The following NEBL variants were observed in gnomAD, a reference collection of about 807,000 sequenced individuals.
The protein encoded by NEBL is LIM and SH3 protein 2.
In NEBL, 122 loss-of-function variants were observed where a neutral mutation model predicts 140.2. The observed-to-expected ratio is 0.87, with a 90% CI of 0.75 to 1.01. NEBL has a LOEUF of 1.01. Among genes scored for constraint, NEBL ranks in the 50% least tolerant of loss-of-function variants. The pLI, the probability that NEBL is intolerant of heterozygous loss-of-function variation, is 0.00. For synonymous variants in NEBL, 436 were observed against 398.9 expected (o/e 1.09, Z -1.11); for missense variants, 1,365 against 1,231.3 (o/e 1.11, Z -1.62).
At chr10:20,816,164 TAAATC>T (rs1327495273) in intron 21 of NEBL, among the ~76,000 whole-genome samples, 2 of 152,194 alleles carry the variant, frequency 1.3e-5, no homozygotes, top group Non-Finnish European at 2.9e-5. Flanking sequence ...GCTGGCATCT[TAAATC>T]AATCTATTTC....
chr10:21,139,529 A>T (rs1019968976), intron 2 of NEBL, among the ~76,000 whole-genome samples: 1 of 152,202 alleles, frequency 6.6e-6, no homozygotes, highest in African/African-American at 2.4e-5. Flanking sequence ...TGTCAAAGAA[A>T]TTATATGAGG....
chr10:20,868,886 A>G (rs990636687), intron 6 of NEBL, 121 bp from the exon 7 acceptor site: 2 of 711,828 alleles, frequency 2.8e-6, no homozygotes, highest in African/African-American at 1.8e-5. Flanking sequence ...CTTACAACAC[A>G]TCAAACACTA....
In NEBL at chr10:21,041,311, G is replaced by T. The variant is rs374359719; in HGVS notation, c.165-21110C>A. ...TATGAAGGAGAACATGCGGTATTTG[G>T]TTTTCTGTTCCAGCTTCATTCTAGA... On this transcript the variant is annotated intron_variant, in intron 2 of 6. Transcript: ENST00000417816. 5.9e-5 allele frequency among the ~76,000 whole-genome samples: 9 copies of T among 152,130 alleles called. 1 individual carries two copies. In the East Asian group the frequency reaches 1.7e-3, roughly 29 times the overall value.
At chr10:20,985,608 C>T (rs1203638535) in intron 3 of NEBL, among the ~76,000 whole-genome samples, 2 of 152,098 alleles carry the variant, frequency 1.3e-5, no homozygotes, top group Non-Finnish European at 1.5e-5. Context: ...AATCCTGCTA[C>T]TCATTTCAGG....
At chr10:20,795,627 T>A (rs942707258) in intron 26 of NEBL, among the ~76,000 whole-genome samples, 1 of 152,148 alleles carries the variant, frequency 6.6e-6, no homozygotes, top group South Asian at 2.1e-4. Flanking sequence ...ACCTATTTTA[T>A]CCAGGGCAAA....
At chr10:20,905,083 T>A (rs1207425116) in intron 4 of NEBL, among the ~76,000 whole-genome samples, 1 of 152,198 alleles carries the variant, frequency 6.6e-6, no homozygotes, top group Admixed American at 6.6e-5. Context: ...AGTTTTTACA[T>A]TCAAGGAAAC....
At chr10:21,019,658 A>T (rs1838699250) in intron 3 of NEBL, among the ~76,000 whole-genome samples, 1 of 152,238 alleles carries the variant, frequency 6.6e-6, no homozygotes, top group Non-Finnish European at 1.5e-5. Flanking sequence ...TCAATGTGAC[A>T]TATGAAAGAA....
upstream of NEBL, among the ~76,000 whole-genome samples, chr10:21,176,616 C>G (rs1278553911): frequency 2.6e-5 from 4 of 152,188 alleles, no homozygotes; most frequent in African/African-American, 7.2e-5. Context: ...AGCCAGTCTT[C>G]TCTCTTCAAT....
At chr10:21,194,658 G>A (rs1373322090) in intron 3 of NEBL, among the ~76,000 whole-genome samples, 9 of 152,118 alleles carry the variant, frequency 5.9e-5, no homozygotes. Flanking sequence ...ATAGAGAAAG[G>A]GAAGTCCTAT....
chr10:20,993,720 G>A (rs748881109), intron 3 of NEBL, among the ~76,000 whole-genome samples: 7 of 152,180 alleles, frequency 4.6e-5, no homozygotes, highest in Non-Finnish European at 1.0e-4. Flanking sequence ...TGGGGCAACA[G>A]TACCTTCTCT....
chr10:21,119,177 A>G (rs1838412208), intron 2 of NEBL, among the ~76,000 whole-genome samples: 1 of 152,134 alleles, frequency 6.6e-6, no homozygotes, highest in African/African-American at 2.4e-5. Context: ...CAATAATAAC[A>G]TGTCATTTTC....
intron 12 of NEBL, among the ~76,000 whole-genome samples, chr10:20,841,832 G>A (rs1841435369): frequency 6.6e-6 from 1 of 152,056 alleles, no homozygotes; most frequent in African/African-American, 2.4e-5. Flanking sequence ...TTGGAAGGCT[G>A]TCTCCATGCA....
intron 3 of NEBL, among the ~76,000 whole-genome samples, chr10:20,995,836 G>A (rs1419380920): frequency 1.3e-5 from 2 of 151,922 alleles, no homozygotes; most frequent in South Asian, 2.1e-4. Flanking sequence ...GGGAAGGCCC[G>A]CTCTGAGCTA....
intron 3 of NEBL, among the ~76,000 whole-genome samples, chr10:21,016,080 G>A (rs1219397232): frequency 2.0e-5 from 3 of 152,272 alleles, no homozygotes; most frequent in African/African-American, 4.8e-5. Context: ...GCCCGTGGGG[G>A]CGTCTAACCA....
intron 4 of NEBL, among the ~76,000 whole-genome samples, chr10:20,903,589 C>T (rs1021219063): frequency 5.9e-5 from 9 of 152,122 alleles, no homozygotes; most frequent in East Asian, 5.8e-4. Flanking sequence ...CAGCACAATT[C>T]GCAATGGCAA....
At chr10:21,070,186 T>A (rs1835754911) in intron 2 of NEBL, among the ~76,000 whole-genome samples, 1 of 152,174 alleles carries the variant, frequency 6.6e-6, no homozygotes, top group African/African-American at 2.4e-5. Context: ...CCCGGACTGT[T>A]ATGGAAAGTG....
At chr10:21,187,511 A>T (rs972809709) in intron 3 of NEBL, among the ~76,000 whole-genome samples, 11 of 149,912 alleles carry the variant, frequency 7.3e-5, no homozygotes, top group South Asian at 2.1e-4. Flanking sequence ...ATTATTATTT[A>T]TTATTATTAT....
At chr10:20,878,053 A>G (rs1845673432) in intron 5 of NEBL, among the ~76,000 whole-genome samples, 1 of 152,196 alleles carries the variant, frequency 6.6e-6, no homozygotes, top group African/African-American at 2.4e-5. Flanking sequence ...GGATATTCTA[A>G]GAAATACTTA....
At chr10:21,180,501 A>G (rs1366567435) in intron 3 of NEBL, among the ~76,000 whole-genome samples, 2 of 152,160 alleles carry the variant, frequency 1.3e-5, no homozygotes, top group Non-Finnish European at 2.9e-5. Context: ...CAGTCTTCAG[A>G]TAATTGCCTC....
Sources: gnomAD v4.1 joint callset for allele counts (sites outside exome capture counted in the v4.1 genomes callset) on GRCh38, gnomAD v4.1.1 for gene constraint, MANE v1.5 for transcripts, NCBI Gene and HGNC (gene_info 2026-07-23, HGNC 2026-07-21) for gene names.